MRC1: variants seen among roughly 807,000 people sequenced by gnomAD.
The protein encoded by MRC1 is macrophage mannose receptor 1.
MRC1 carries 62 observed loss-of-function variants against 102.9 expected under a neutral mutation model. The ratio of observed to expected loss-of-function variants is 0.60; its 90% confidence interval spans 0.49 to 0.74. The LOEUF (loss-of-function observed/expected upper bound fraction) is 0.74, where lower values mean the gene tolerates loss of function less well. Among genes scored for constraint, MRC1 ranks in the 30% least tolerant of loss-of-function variants. The pLI, the probability that MRC1 is intolerant of heterozygous loss-of-function variation, is 0.00. For synonymous variants in MRC1, 457 were observed against 298.4 expected (o/e 1.53, Z -5.48); for missense variants, 1,237 against 862.8 (o/e 1.43, Z -5.43).
In MRC1 at chr10:17,879,771, C is replaced by T. The variant is rs782617436; in HGVS notation, c.2669C>T (p.Pro890Leu). 1.3e-6 allele frequency: 1 copy of T among 780,780 alleles called. No individual in the cohort carries two copies. Among genetic ancestry groups the T allele is most frequent in the Non-Finnish European group, 2.4e-6 (1 of 417,942 alleles). 48.4% of individuals were successfully genotyped at this position (780,780 alleles called of 1,614,324 possible). A position where few individuals can be genotyped will look rare whatever the true frequency, so the allele number is the denominator to read the frequency against. Residue 890 changes from proline to leucine, a missense_variant, in exon 19 of 30, where the codon CCC (proline) becomes CTC (leucine). Coordinates refer to ENST00000569591, the MANE Select transcript of MRC1 (RefSeq NM_002438.4). ...VDYVSWATGEPNFANEDENCV... is the reference protein window; with the variant it reads ...VDYVSWATGELNFANEDENCV... ...TACGTGTCTTGGGCCACAGGTGAAC[C>T]CAATTTTGCAAATGAAGATGAAAAC...
At chr10:17,903,438 C>T (rs1410505636) in intron 26 of MRC1, among the ~76,000 whole-genome samples, 30 of 144,044 alleles carry the variant, frequency 2.1e-4, no homozygotes, top group African/African-American at 7.7e-4. Context: ...TTCCCTCGCC[C>T]AGGCTGGAGT....
chr10:17,871,121 T>C (rs1158358309), intron 14 of MRC1, among the ~76,000 whole-genome samples, 186 bp downstream of exon 14: 1 of 152,144 alleles, frequency 6.6e-6, no homozygotes, highest in Non-Finnish European at 1.5e-5. Flanking sequence ...TTTAGATCAA[T>C]AGAAATGGAA....
At chr10:17,903,659 G>A (rs912104504) in intron 26 of MRC1, among the ~76,000 whole-genome samples, 1 of 151,894 alleles carries the variant, frequency 6.6e-6, no homozygotes, top group Non-Finnish European at 1.5e-5. Context: ...GCTTCCCAAA[G>A]TACTGGGATT....
At position 17,880,617 on chromosome 10, in the gene MRC1, A is replaced by G. The variant is rs782783294; in HGVS notation, c.2812A>G (p.Met938Val). The change falls in exon 20 of 30, where the codon ATG becomes GTG. Residue 938 changes from methionine to valine, a missense_variant. Met to Val is a conservative substitution (Grantham distance 21). Transcript: ENST00000569591. ...SINATTVMPT[M>V]PSVPSGCKEG... ...CAATGCTACCACAGTTATGCCTACC[A>G]TGCCCTCGGTCCCATCAGGGTGCAA... is the stretch of plus-strand genomic sequence containing the variant. The G allele has an allele frequency of 3.8e-5, 30 of 780,712 alleles. No individual in the cohort carries two copies. The Admixed American group carries it at 4.7e-4, about 12-fold the overall frequency. The allele number at this position is 780,712 out of a possible 1,614,324, so 48.4% of individuals were successfully genotyped here. A position where few individuals can be genotyped will look rare whatever the true frequency, so the allele number is the denominator to read the frequency against.
intron 1 of MRC1, 102 bp from the exon 2 acceptor site, chr10:17,822,972 A>G (rs1838418095): frequency 1.4e-6 from 1 of 723,464 alleles, no homozygotes; most frequent in South Asian, 1.5e-5. Flanking sequence ...AGGGAAATGG[A>G]AGAGTTGGAA....
chr10:17,836,547 G>T (rs1002230636), intron 4 of MRC1, among the ~76,000 whole-genome samples: 2 of 152,054 alleles, frequency 1.3e-5, no homozygotes, highest in Non-Finnish European at 2.9e-5. Flanking sequence ...AAATGTATCA[G>T]AGGTGGTCTG....
chr10:17,833,342 G>C (rs1030687783), intron 3 of MRC1, among the ~76,000 whole-genome samples: 1 of 151,902 alleles, frequency 6.6e-6, no homozygotes, highest in Non-Finnish European at 1.5e-5. Flanking sequence ...GCCACATAGA[G>C]AGACTACATT....
intron 20 of MRC1, 38 bp downstream of exon 20, chr10:17,880,708 G>A: frequency 1.3e-6 from 1 of 780,228 alleles, no homozygotes; most frequent in South Asian, 1.3e-5. Flanking sequence ...GCACTGATCA[G>A]TATGGAGAGT....
At chr10:17,891,062 C>G (rs1554843073) in intron 22 of MRC1, among the ~76,000 whole-genome samples, 2 of 151,622 alleles carry the variant, frequency 1.3e-5, no homozygotes, top group African/African-American at 4.9e-5. Context: ...CCAGATGGGA[C>G]CATCTAGTTG....
chr10:17,818,683 C>T (rs1311127688), intron 1 of MRC1, among the ~76,000 whole-genome samples: 1 of 152,086 alleles, frequency 6.6e-6, no homozygotes, highest in Non-Finnish European at 1.5e-5. Flanking sequence ...GTGACATGCA[C>T]CTGTAATCCC....
intron 4 of MRC1, among the ~76,000 whole-genome samples, chr10:17,835,319 T>C (rs1838646450): frequency 6.6e-6 from 1 of 152,256 alleles, no homozygotes; most frequent in African/African-American, 2.4e-5. Context: ...CATTAATTTG[T>C]TATTATTTAT....
Position 17,901,282 on chromosome 10 carries a change from A to T in MRC1, c.3649+329A>T, listed in dbSNP as rs1021278599. Among the ~76,000 whole-genome samples, 9 of 152,360 alleles carry T rather than the reference A, an allele frequency of 5.9e-5. No homozygotes were observed. In the East Asian group the frequency reaches 1.2e-3, roughly 20 times the overall value. Reference sequence around the variant, plus strand: ...CTAAATATAGCCTTTAGTTAATCCCAGGTGCTATTAATAGCTAAGAAAGGG... The same window carrying T: ...CTAAATATAGCCTTTAGTTAATCCCTGGTGCTATTAATAGCTAAGAAAGGG... On this transcript the variant is annotated intron_variant, in intron 25 of 29. Coordinates refer to ENST00000569591, the MANE Select transcript of MRC1 (RefSeq NM_002438.4).
In MRC1 at chr10:17,823,177, A is replaced by G. The variant is rs35943435; in HGVS notation, c.165A>G (p.Ser55=). 5,324 of 780,814 alleles carry G rather than the reference A, an allele frequency of 6.8e-3. 189 individuals are homozygous for G. The African/African-American group carries it at 0.079, about 12-fold the overall frequency. The allele number at this position is 780,814 out of a possible 1,614,324, so 48.4% of individuals were successfully genotyped here. The change falls in exon 2 of 30, where the codon TCA becomes TCG. Residue 55 remains serine (S), a synonymous_variant. Transcript: ENST00000569591. The part of the protein sequence containing the change: ...QTAACNQDAE[S]QKFRWVSESQ... ...CAGCTTGCAACCAGGATGCCGAATC[A>G]CAGAAATTCCGATGGGTGTCCGAAT...
intron 11 of MRC1, among the ~76,000 whole-genome samples, 173 bp from the exon 12 acceptor site, chr10:17,866,389 G>T (rs953236250): frequency 6.6e-6 from 1 of 150,698 alleles, no homozygotes; most frequent in South Asian, 2.1e-4. Flanking sequence ...AAATGCCTGT[G>T]TAGGGGGCAC....
At chr10:17,884,590 G>A (rs1833564134) in intron 21 of MRC1, among the ~76,000 whole-genome samples, 1 of 152,188 alleles carries the variant, frequency 6.6e-6, no homozygotes, top group Non-Finnish European at 1.5e-5. Context: ...TCACATGGTG[G>A]CAGGAGAGAG....
chr10:17,832,924 A>T (rs2130611323), intron 3 of MRC1, among the ~76,000 whole-genome samples: 1 of 152,246 alleles, frequency 6.6e-6, no homozygotes, highest in African/African-American at 2.4e-5. Flanking sequence ...GTATATGTGC[A>T]GATGTCTTGC....
At chr10:17,895,759 G>A (rs1833745872) in intron 23 of MRC1, among the ~76,000 whole-genome samples, 2 of 152,222 alleles carry the variant, frequency 1.3e-5, no homozygotes, top group African/African-American at 4.8e-5. Flanking sequence ...CTTACCCCGG[G>A]AGGGTTCTTG....
In MRC1 at chr10:17,846,065, G is replaced by A. The variant is rs1838821173; in HGVS notation, c.1063+630G>A. On this transcript the variant is annotated intron_variant, in intron 6 of 29. Transcript: ENST00000569591. The stretch of plus-strand genomic sequence containing the variant: ...TGGGATTACAGATGTGTGCCATCAC[G>A]CCCAGCTAATTTTTGTATTTTTAGC... Among the ~76,000 whole-genome samples the A allele has an allele frequency of 2.6e-5, 4 of 152,080 alleles. No homozygotes were observed. In the South Asian group the frequency reaches 6.2e-4, roughly 24 times the overall value.
chr10:17,853,568 A>ATG (rs1280945593), intron 8 of MRC1, among the ~76,000 whole-genome samples: 1 of 134,130 alleles, frequency 7.5e-6, no homozygotes, highest in African/African-American at 2.9e-5. Context: ...AGAGATATAT[A>ATG]TGTATGTGTG....
Sources: allele counts gnomAD v4.1 joint callset (sites outside exome capture counted in the v4.1 genomes callset), GRCh38; gene constraint gnomAD v4.1.1; transcripts MANE v1.5; gene names NCBI Gene and HGNC (gene_info 2026-07-23, HGNC 2026-07-21).